Variants in GRIP1 observed in about 807,000 individuals in gnomAD.
GRIP1 encodes glutamate receptor interacting protein 1, also known as glutamate receptor-interacting protein 1.
In GRIP1, 45 loss-of-function variants were observed where a neutral mutation model predicts 129.9. That is an observed-to-expected ratio of 0.35 (90% CI 0.27 to 0.44). The LOEUF (loss-of-function observed/expected upper bound fraction) is 0.44, where lower values mean the gene tolerates loss of function less well. Ranked by LOEUF, GRIP1 falls within the 20% of genes least tolerant of loss-of-function variation. The pLI, the probability that GRIP1 is intolerant of heterozygous loss-of-function variation, is 1.00. For synonymous variants in GRIP1, 530 were observed against 520.8 expected (o/e 1.02, Z -0.24); for missense variants, 1,196 against 1,396.8 (o/e 0.86, Z 2.29).
chr12:66,658,593 G>A (rs75562512), intron 1 of GRIP1, among the ~76,000 whole-genome samples: 83 of 148,824 alleles, frequency 5.6e-4, no homozygotes, highest in Middle Eastern at 3.5e-3. Context: ...AAAAAAAAAA[G>A]AAAAAAAAAT....
At chr12:66,606,952 C>G (rs7955693) in intron 1 of GRIP1, among the ~76,000 whole-genome samples, 1 of 152,026 alleles carries the variant, frequency 6.6e-6, no homozygotes, top group Middle Eastern at 3.4e-3. Context: ...TTAGCCACCA[C>G]GATACACTGT....
chr12:66,721,324 G>C (rs1007048614), intron 1 of GRIP1, among the ~76,000 whole-genome samples: 2 of 151,910 alleles, frequency 1.3e-5, no homozygotes, highest in African/African-American at 4.8e-5. Context: ...GTCAGTGCTG[G>C]AGTGCAGTGG....
intron 1 of GRIP1, among the ~76,000 whole-genome samples, chr12:67,016,910 G>A (rs1023912628): frequency 6.6e-6 from 1 of 152,142 alleles, no homozygotes; most frequent in Non-Finnish European, 1.5e-5. Context: ...GTTAGTAAAA[G>A]ATGTATAATT....
At chr12:66,684,585 C>T (rs2034708404) in intron 1 of GRIP1, among the ~76,000 whole-genome samples, 2 of 152,176 alleles carry the variant, frequency 1.3e-5, no homozygotes, top group South Asian at 4.1e-4. Context: ...TGGCTCATAC[C>T]TGTAATGCCA....
intron 1 of GRIP1, 31 bp downstream of exon 1, chr12:66,678,819 C>G: frequency 6.2e-7 from 1 of 1,601,240 alleles, no homozygotes; most frequent in Non-Finnish European, 8.6e-7. Context: ...GCAACAGACT[C>G]GCTGAGGGAA....
Position 66,526,780 on chromosome 12 carries a change from T to C in GRIP1, c.502+3051A>G, listed in dbSNP as rs544099560. ...GGAGAGAATTTTTGCAATCTACTCATCTGACAAAGAGCTAATATCCAGAAT... is the reference window on the plus strand; with the variant it reads ...GGAGAGAATTTTTGCAATCTACTCACCTGACAAAGAGCTAATATCCAGAAT... On this transcript the variant is annotated intron_variant, in intron 5 of 24. Transcript: ENST00000359742. 2.0e-5 allele frequency among the ~76,000 whole-genome samples: 3 copies of C among 152,128 alleles called. No homozygotes were observed. In the East Asian group the frequency reaches 5.8e-4, roughly 29 times the overall value.
rs570196919 is a variant in GRIP1 at position 66,423,005 on chromosome 12, C to T, written c.1769-2216G>A. Among the ~76,000 whole-genome samples the T allele has an allele frequency of 1.1e-4, 17 of 152,286 alleles. 1 individual carries two copies. The South Asian group carries it at 2.9e-3, about 26-fold the overall frequency. Reference sequence around the variant, plus strand: ...CTACTACCTAAGAATAAATCACAAACCAAGCATGCTTTGCTTGGCTGGTAG... The same window carrying T: ...CTACTACCTAAGAATAAATCACAAATCAAGCATGCTTTGCTTGGCTGGTAG... On this transcript the variant is annotated intron_variant, in intron 14 of 24. Transcript: ENST00000359742.
chr12:66,532,406 C>T (rs2061487136), intron 4 of GRIP1, among the ~76,000 whole-genome samples: 1 of 152,142 alleles, frequency 6.6e-6, no homozygotes, highest in African/African-American at 2.4e-5. Context: ...TTCAATTGTG[C>T]TGTTGTCCCT....
At chr12:66,487,970 T>C (rs990082604) in intron 7 of GRIP1, among the ~76,000 whole-genome samples, 1 of 152,162 alleles carries the variant, frequency 6.6e-6, no homozygotes, top group African/African-American at 2.4e-5. Context: ...AGCACCCAGA[T>C]TCATAAAGCA....
At chr12:66,787,022 C>T (rs1218646179) in intron 1 of GRIP1, among the ~76,000 whole-genome samples, 1 of 152,112 alleles carries the variant, frequency 6.6e-6, no homozygotes, top group African/African-American at 2.4e-5. Context: ...AACAACAAGC[C>T]AGCTGCTATA....
chr12:66,958,966 T>C (rs1267783275), intron 1 of GRIP1, among the ~76,000 whole-genome samples: 2 of 152,198 alleles, frequency 1.3e-5, no homozygotes, highest in Admixed American at 6.5e-5. Flanking sequence ...TTTAAAATAA[T>C]TTCCTACGTA....
chr12:66,769,263 G>A (rs1319876900), intron 1 of GRIP1, among the ~76,000 whole-genome samples: 3 of 148,812 alleles, frequency 2.0e-5, no homozygotes, highest in East Asian at 2.0e-4. Flanking sequence ...TTCTGAAAGT[G>A]TGTTTCTTGG....
chr12:66,408,636 C>T (rs529502591), intron 15 of GRIP1, among the ~76,000 whole-genome samples: 11 of 152,192 alleles, frequency 7.2e-5, no homozygotes, highest in Non-Finnish European at 1.3e-4. Context: ...GCTGTTTCTG[C>T]TTGAGAAAAG....
intron 1 of GRIP1, among the ~76,000 whole-genome samples, chr12:66,996,368 TAA>T (rs376907985): frequency 9.1e-5 from 13 of 142,546 alleles, no homozygotes; most frequent in Admixed American, 2.1e-4. Flanking sequence ...CTTTCACAAT[TAA>T]AAAAAAAAAA....
chr12:66,702,897 T>C, intron 1 of GRIP1, among the ~76,000 whole-genome samples: 1 of 152,310 alleles, frequency 6.6e-6, no homozygotes. Context: ...TTGTTAATTT[T>C]AAATAGTTTT....
rs1009496935 is a variant in GRIP1 at position 66,747,198 on chromosome 12, G to A, written c.-420+56855C>T. Among the ~76,000 whole-genome samples the A allele has an allele frequency of 7.0e-4, 107 of 152,126 alleles. 1 individual carries two copies. In the Middle Eastern group the frequency reaches 0.01, roughly 15 times the overall value. ...ACTCTCAAATAAAACTAGATCTCTA[G>A]AAAGAATATAAGGGATTAAAAAAAC... is the stretch of plus-strand genomic sequence containing the variant. On this transcript the variant is annotated intron_variant, in intron 1 of 4. Coordinates refer to the GRIP1 transcript ENST00000538373.
chr12:66,920,466 T>C (rs2041194413), intron 1 of GRIP1, among the ~76,000 whole-genome samples: 1 of 152,160 alleles, frequency 6.6e-6, no homozygotes. Flanking sequence ...AGAGATACGA[T>C]GACAAGACAC....
chr12:66,417,470 G>A (rs947712625), intron 15 of GRIP1, among the ~76,000 whole-genome samples: 3 of 152,186 alleles, frequency 2.0e-5, no homozygotes, highest in African/African-American at 4.8e-5. Flanking sequence ...AGATAAAAGC[G>A]TATCCAAATT....
At chr12:66,398,736 A>G (rs2056881668) in intron 16 of GRIP1, among the ~76,000 whole-genome samples, 1 of 152,038 alleles carries the variant, frequency 6.6e-6, no homozygotes, top group Non-Finnish European at 1.5e-5. Context: ...GAATTCCATC[A>G]GGTATGATTG....
Sources: allele counts gnomAD v4.1 joint callset (sites outside exome capture counted in the v4.1 genomes callset), GRCh38; gene constraint gnomAD v4.1.1; transcripts MANE v1.5; gene names NCBI Gene and HGNC (gene_info 2026-07-23, HGNC 2026-07-21).